COX10: variants seen among roughly 807,000 people sequenced by gnomAD.
COX10 encodes cytochrome c oxidase assembly factor heme A:farnesyltransferase COX10, also known as protoheme IX farnesyltransferase, mitochondrial.
In COX10, 27 loss-of-function variants were observed where a neutral mutation model predicts 37.3. That is an observed-to-expected ratio of 0.72 (90% CI 0.53 to 1.00). The LOEUF is 1.00. Among genes scored for constraint, COX10 ranks in the 50% least tolerant of loss-of-function variants. COX10 has a pLI of 0.00. For synonymous variants in COX10, 222 were observed against 229.1 expected (o/e 0.97, Z 0.28); for missense variants, 475 against 563.2 (o/e 0.84, Z 1.59).
chr17:14,119,087 G>A (rs1310722722), intron 4 of COX10, among the ~76,000 whole-genome samples: 1 of 151,838 alleles, frequency 6.6e-6, no homozygotes, highest in East Asian at 1.9e-4. Flanking sequence ...ATTTCCCTCT[G>A]TTTATTCATC....
In COX10 at chr17:14,123,980, C is replaced by T. The variant is rs527334096; in HGVS notation, c.624+21738C>T. Among the ~76,000 whole-genome samples the T allele has an allele frequency of 9.9e-5, 15 of 152,198 alleles. No individual in the cohort carries two copies. In the South Asian group the frequency reaches 2.5e-3, roughly 25 times the overall value. ...ATATTAGTAGTACCCAGCTGTGAAA[C>T]TAGGCTTGCCTTTTGTTACTTAAAA... On this transcript the variant is annotated intron_variant, in intron 4 of 6. Coordinates refer to ENST00000261643, the MANE Select transcript of COX10 (RefSeq NM_001303.4).
chr17:14,109,806 A>G (rs1431780295), intron 4 of COX10, among the ~76,000 whole-genome samples: 1 of 152,136 alleles, frequency 6.6e-6, no homozygotes, highest in Non-Finnish European at 1.5e-5. Flanking sequence ...GTGGTGATGT[A>G]TCTACCTCTA....
chr17:14,109,810 A>G (rs769424559), intron 4 of COX10, among the ~76,000 whole-genome samples: 13 of 152,034 alleles, frequency 8.6e-5, no homozygotes, highest in Admixed American at 8.5e-4. Context: ...TGATGTATCT[A>G]CCTCTAACGA....
rs1906779808 is a variant in COX10 at position 14,208,622 on chromosome 17, C to G, written c.*1409C>G. 6.6e-6 allele frequency: 1 copy of G among 152,196 alleles called. No homozygotes were observed. The highest frequency in any genetic ancestry group is 2.1e-4 in the South Asian group (1 of 4,824). 9.4% of individuals were successfully genotyped at this position (152,196 alleles called of 1,614,324 possible). A position where few individuals can be genotyped will look rare whatever the true frequency, so the allele number is the denominator to read the frequency against. ...CCTCTACAACTTGTTACAGCCTTCA[C>G]ATTTGTACAATTCATTGATTCTCTT... On this transcript the variant is annotated 3_prime_UTR_variant, in exon 7 of 7. Transcript: ENST00000261643.
At chr17:14,181,266 G>A (rs1441252179) in intron 5 of COX10, among the ~76,000 whole-genome samples, 3 of 152,174 alleles carry the variant, frequency 2.0e-5, no homozygotes, top group Admixed American at 6.5e-5. Context: ...TCACAGAATA[G>A]ATCAGAGATG....
intron 5 of COX10, among the ~76,000 whole-genome samples, chr17:14,169,016 T>A (rs1049537807): frequency 6.6e-5 from 10 of 152,252 alleles, no homozygotes; most frequent in African/African-American, 2.2e-4. Flanking sequence ...TTCCGAACTT[T>A]TAAGTTCTGC....
At chr17:14,166,426 A>G (rs1263467404) in intron 5 of COX10, among the ~76,000 whole-genome samples, 1 of 152,204 alleles carries the variant, frequency 6.6e-6, no homozygotes, top group African/African-American at 2.4e-5. Flanking sequence ...TGATTGCAAC[A>G]TGGTTTACTG....
At chr17:14,095,876 A>C (rs192763334) in intron 3 of COX10, among the ~76,000 whole-genome samples, 1 of 152,328 alleles carries the variant, frequency 6.6e-6, no homozygotes, top group East Asian at 1.9e-4. Context: ...CCTCATAAGC[A>C]GTTCTCATTG....
intron 3 of COX10, among the ~76,000 whole-genome samples, chr17:14,079,557 T>C (rs1012641287): frequency 3.3e-5 from 5 of 152,208 alleles, no homozygotes; most frequent in African/African-American, 1.2e-4. Flanking sequence ...GCTAAAGTGT[T>C]AGATCATAGC....
At chr17:14,119,432 C>T (rs886905106) in intron 4 of COX10, among the ~76,000 whole-genome samples, 2 of 151,412 alleles carry the variant, frequency 1.3e-5, no homozygotes, top group Non-Finnish European at 2.9e-5. Context: ...CAATGGTAGG[C>T]AAAAAAAACC....
rs531353075 is a variant in COX10 at position 14,145,728 on chromosome 17, T to C, written c.625-14149T>C. On this transcript the variant is annotated intron_variant, in intron 4 of 6. Coordinates refer to ENST00000261643, the MANE Select transcript of COX10 (RefSeq NM_001303.4). Reference sequence around the variant, plus strand: ...AAGATTTGCATCTGACAAGATCACTTCGACTATTCTGTGAAAAGTTACTAG... The same window carrying C: ...AAGATTTGCATCTGACAAGATCACTCCGACTATTCTGTGAAAAGTTACTAG... Among the ~76,000 whole-genome samples the C allele has an allele frequency of 2.0e-4, 31 of 152,262 alleles. No individual in the cohort carries two copies. In the South Asian group the frequency reaches 6.4e-3, roughly 32 times the overall value.
chr17:14,158,867 C>T (rs1905112246), intron 4 of COX10, among the ~76,000 whole-genome samples: 1 of 152,040 alleles, frequency 6.6e-6, no homozygotes, highest in Non-Finnish European at 1.5e-5. Flanking sequence ...TGATTTGGTT[C>T]TAGCCCATTT....
intron 2 of COX10, among the ~76,000 whole-genome samples, chr17:14,075,991 C>CAAAAA (rs71147838): frequency 0.011 from 949 of 83,368 alleles, 8 homozygotes; most frequent in African/African-American, 0.042. Flanking sequence ...GGCTCCATCT[C>CAAAAA]AAAAAAAAAA....
At chr17:14,095,468 A>C (rs1372229140) in intron 3 of COX10, among the ~76,000 whole-genome samples, 1 of 152,162 alleles carries the variant, frequency 6.6e-6, no homozygotes, top group African/African-American at 2.4e-5. Flanking sequence ...CCTCCACTCC[A>C]ATCAGTCCTC....
At chr17:14,168,636 C>T (rs1033530774) in intron 5 of COX10, among the ~76,000 whole-genome samples, 1 of 152,224 alleles carries the variant, frequency 6.6e-6, no homozygotes, top group African/African-American at 2.4e-5. Context: ...GGCCCAACAC[C>T]ATGTGGAAGC....
chr17:14,108,255 A>G (rs538897361), intron 4 of COX10, among the ~76,000 whole-genome samples: 1 of 152,324 alleles, frequency 6.6e-6, no homozygotes, highest in South Asian at 2.1e-4. Context: ...CACTTGTGCT[A>G]TATGCCAAAG....
chr17:14,114,013 A>G (rs577515519), intron 4 of COX10, among the ~76,000 whole-genome samples: 1 of 152,278 alleles, frequency 6.6e-6, no homozygotes, highest in East Asian at 1.9e-4. Flanking sequence ...CAGTTGTCTG[A>G]GGTCAGTTTT....
In COX10 at chr17:14,207,911, T is replaced by C. The variant is rs1331912457; in HGVS notation, c.*698T>C. The C allele has an allele frequency of 6.6e-6, 1 of 152,440 alleles. No homozygotes were observed. The highest frequency in any genetic ancestry group is 1.5e-5 in the Non-Finnish European group (1 of 68,248). 9.4% of individuals were successfully genotyped at this position (152,440 alleles called of 1,614,324 possible). The stretch of plus-strand genomic sequence containing the variant: ...CAAGGAGTCACAGGCATCTTTATAG[T>C]TCACGTTAACATATAGACACTGTTG... On this transcript the variant is annotated 3_prime_UTR_variant, in exon 7 of 7. Transcript: ENST00000261643.
chr17:14,138,600 C>T (rs1904448500), intron 4 of COX10, among the ~76,000 whole-genome samples: 1 of 152,096 alleles, frequency 6.6e-6, no homozygotes, highest in South Asian at 2.1e-4. Flanking sequence ...GTGAAAAGTG[C>T]TCAGGTGTCC....
Sources: allele counts gnomAD v4.1 joint callset (sites outside exome capture counted in the v4.1 genomes callset), GRCh38; gene constraint gnomAD v4.1.1; transcripts MANE v1.5; gene names NCBI Gene and HGNC (gene_info 2026-07-23, HGNC 2026-07-21).